SYNE2: variants seen among roughly 807,000 people sequenced by gnomAD.
The protein encoded by SYNE2 is spectrin repeat containing nuclear envelope protein 2, also known as nesprin-2.
SYNE2 carries 431 observed loss-of-function variants against 856.3 expected under a neutral mutation model. That is an observed-to-expected ratio of 0.50 (90% CI 0.47 to 0.55). The LOEUF is 0.55. SYNE2 is among the 20% of genes least tolerant of loss of function. SYNE2 has a pLI of 0.00. For synonymous variants in SYNE2, 2,923 were observed against 2,872.3 expected (o/e 1.02, Z -0.56); for missense variants, 8,129 against 8,023.2 (o/e 1.01, Z -0.50).
chr14:64,038,062 G>C (rs1183698876), intron 45 of SYNE2, among the ~76,000 whole-genome samples: 1 of 150,024 alleles, frequency 6.7e-6, no homozygotes. Context: ...GTTGCCAGGC[G>C]GAGGGTCTCC....
At position 64,070,870 on chromosome 14, in the gene SYNE2, G is replaced by T. The variant is rs551510738; in HGVS notation, c.10657G>T (p.Ala3553Ser). The change falls in exon 52 of 116, where the codon GCA (alanine) becomes TCA (serine). Residue 3553 changes from alanine to serine, a missense_variant. Coordinates refer to ENST00000555002, the MANE Select transcript of SYNE2 (RefSeq NM_182914.3). ...ESSGAVETVP[A>S]FQEITSMKER... Reference sequence around the variant, plus strand: ...CTCAGGGGCTGTGGAAACTGTTCCAGCATTTCAAGAAATTACTTCTATGAA... The same window carrying T: ...CTCAGGGGCTGTGGAAACTGTTCCATCATTTCAAGAAATTACTTCTATGAA... 3.7e-6 allele frequency: 6 copies of T among 1,614,138 alleles called. No individual in the cohort carries two copies. In the African/African-American group the frequency reaches 5.3e-5, roughly 14 times the overall value.
chr14:63,821,109 A>G (rs1889195487), intron 1 of SYNE2, among the ~76,000 whole-genome samples: 1 of 152,160 alleles, frequency 6.6e-6, no homozygotes. Flanking sequence ...TTTCATGGAT[A>G]TATAAAACTT....
Position 64,167,320 on chromosome 14 carries a change from G to C in SYNE2, c.16693G>C (p.Val5565Leu). 1 of 1,614,222 alleles carries C rather than the reference G, an allele frequency of 6.2e-7. No individual in the cohort carries two copies. Among genetic ancestry groups the C allele is most frequent in the Non-Finnish European group, 8.5e-7 (1 of 1,180,038 alleles). Residue 5565 changes from valine (V) to leucine (L), a missense_variant, in exon 91 of 116, where the codon GTG becomes CTG. Physicochemically the swap from Val to Leu is conservative, Grantham distance 32 (BLOSUM62 1). Transcript: ENST00000555002. ...SLKLPLSDVAVKTLQNMNRQW... is the reference protein window; with the variant it reads ...SLKLPLSDVALKTLQNMNRQW... ...CAAGCTCCCACTTAGTGACGTAGCT[G>C]TGAAGACGTTACAAAATATGAACCG... is the stretch of plus-strand genomic sequence containing the variant.
At chr14:64,011,928 T>G (rs2096849313) in intron 32 of SYNE2, among the ~76,000 whole-genome samples, 1 of 152,226 alleles carries the variant, frequency 6.6e-6, no homozygotes, top group Non-Finnish European at 1.5e-5. Flanking sequence ...TTAGCTCCTC[T>G]GTGGCTATCA....
intron 7 of SYNE2, among the ~76,000 whole-genome samples, chr14:63,954,066 A>T (rs746981155): frequency 9.9e-5 from 15 of 152,168 alleles, no homozygotes; most frequent in Non-Finnish European, 2.1e-4. Context: ...GGCATGTGCC[A>T]ACGTCCCCAG....
intron 100 of SYNE2, among the ~76,000 whole-genome samples, chr14:64,207,366 G>C (rs1454461120): frequency 6.6e-6 from 1 of 152,142 alleles, no homozygotes; most frequent in Non-Finnish European, 1.5e-5. Flanking sequence ...CTTGAGCTCA[G>C]AAGTTTGAGG....
chr14:64,173,942 A>C, intron 94 of SYNE2: 1 of 698,270 alleles, frequency 1.4e-6, no homozygotes, highest in Admixed American at 2.0e-5. Flanking sequence ...CTTAAAAAAC[A>C]GGACCTTCGC....
chr14:63,996,852 T>G, intron 23 of SYNE2, 95 bp from the exon 24 acceptor site: 1 of 1,193,354 alleles, frequency 8.4e-7, no homozygotes, highest in Non-Finnish European at 1.2e-6. Context: ...AAGAACACAT[T>G]GTTAAAACTA....
intron 11 of SYNE2, among the ~76,000 whole-genome samples, chr14:63,974,632 C>T (rs1397107768): frequency 1.3e-5 from 2 of 150,948 alleles, no homozygotes; most frequent in Non-Finnish European, 2.9e-5. Context: ...GATCTTGGCT[C>T]ACTGCAGCCT....
intron 23 of SYNE2, among the ~76,000 whole-genome samples, chr14:63,995,665 A>G (rs926897212): frequency 5.1e-4 from 78 of 151,640 alleles, no homozygotes; most frequent in Non-Finnish European, 1.3e-4. Flanking sequence ...ATTTCTTTTT[A>G]AGTTTCTACT....
At chr14:64,027,401 A>G in intron 42 of SYNE2, 83 bp from the exon 43 acceptor site, 2 of 826,428 alleles carry the variant, frequency 2.4e-6, no homozygotes, top group Non-Finnish European at 3.8e-6. Context: ...AATGTTTATT[A>G]GGATGTGTGT....
upstream of SYNE2, among the ~76,000 whole-genome samples, chr14:63,761,789 A>G (rs2139680671): frequency 6.6e-6 from 1 of 152,274 alleles, no homozygotes; most frequent in Non-Finnish European, 1.5e-5. Flanking sequence ...GTATTTTGGG[A>G]TAGCACGTCA....
chr14:64,016,363 A>T (rs1026078103), intron 32 of SYNE2, 110 bp from the exon 33 acceptor site: 6 of 716,414 alleles, frequency 8.4e-6, no homozygotes. Flanking sequence ...AGAAGGTATT[A>T]TGCTTTGTTG....
chr14:64,079,954 C>T (rs533838334), intron 55 of SYNE2, among the ~76,000 whole-genome samples: 7 of 152,268 alleles, frequency 4.6e-5, no homozygotes, highest in African/African-American at 1.7e-4. Context: ...CACACCTTGG[C>T]CTCCAAAATT....
intron 56 of SYNE2, among the ~76,000 whole-genome samples, chr14:64,081,216 C>T (rs1275981558): frequency 2.0e-5 from 3 of 152,180 alleles, no homozygotes; most frequent in Admixed American, 6.5e-5. Context: ...AGGCCCATAA[C>T]GTTGGAGTAG....
At position 63,913,438 on chromosome 14, in the gene SYNE2, AT is replaced by A. The variant is rs1208094860; in HGVS notation, c.79+4218del. Among the ~76,000 whole-genome samples the A allele has an allele frequency of 6.7e-5, 10 of 148,456 alleles. 1 individual carries two copies. The South Asian group carries it at 1.9e-3, about 28-fold the overall frequency. Reference sequence around the variant, plus strand: ...ATTTTATTTATTCATATATATATGTATTTTTTTCTTTTTCTTTTTCTTTCTT... The same window carrying A: ...ATTTTATTTATTCATATATATATGTATTTTTTCTTTTTCTTTTTCTTTCTT... On this transcript the variant is annotated intron_variant, in intron 2 of 115. Coordinates refer to ENST00000555002, the MANE Select transcript of SYNE2 (RefSeq NM_182914.3).
chr14:63,852,927 C>T (rs551305180), upstream of SYNE2: 2 of 151,966 alleles, frequency 1.3e-5, no homozygotes, highest in Non-Finnish European at 2.9e-5. Flanking sequence ...AGCGCGGGAC[C>T]CGGAGGCGGG....
intron 1 of SYNE2, among the ~76,000 whole-genome samples, chr14:63,844,931 A>G (rs888675620): frequency 6.6e-6 from 1 of 152,204 alleles, no homozygotes; most frequent in Non-Finnish European, 1.5e-5. Context: ...AAAACAATTT[A>G]TGTAGCAGCA....
chr14:63,854,840 G>A (rs1374874576), intron 1 of SYNE2, among the ~76,000 whole-genome samples: 1 of 152,186 alleles, frequency 6.6e-6, no homozygotes, highest in Non-Finnish European at 1.5e-5. Context: ...ATTCTGAGTA[G>A]TGCTCTCACT....
Sources: allele counts gnomAD v4.1 joint callset (sites outside exome capture counted in the v4.1 genomes callset), GRCh38; gene constraint gnomAD v4.1.1; transcripts MANE v1.5; gene names NCBI Gene and HGNC (gene_info 2026-07-23, HGNC 2026-07-21).